Variants in PKD1 observed in about 807,000 individuals in gnomAD.
PKD1 encodes the protein polycystin 1, transient receptor potential channel interacting.
In PKD1, 81 loss-of-function variants were observed where a neutral mutation model predicts 361.7. The observed-to-expected ratio is 0.22, with a 90% CI of 0.19 to 0.27. PKD1 has a LOEUF of 0.27. PKD1 is among the 10% of genes least tolerant of loss of function. PKD1 has a pLI of 1.00. For synonymous variants in PKD1, 3,615 were observed against 2,818.3 expected (o/e 1.28, Z -8.95); for missense variants, 6,399 against 6,118.3 (o/e 1.05, Z -1.53).
At chr16:2,093,470 G>A (rs2091694918) in intron 37 of PKD1, 74 bp downstream of exon 37, 3 of 1,364,354 alleles carry the variant, frequency 2.2e-6, no homozygotes, top group Non-Finnish European at 3.1e-6. Flanking sequence ...GGACAGGAGT[G>A]TCCTGCGTGC....
At chr16:2,094,893 G>A (rs12929950) in intron 34 of PKD1, 8,701 of 152,768 alleles carry the variant, frequency 0.057, 351 homozygotes, top group Non-Finnish European at 0.076. Context: ...CCGTACCTGC[G>A]CCCTCGTCAG....
chr16:2,096,540 A>G (rs970893443), intron 34 of PKD1, among the ~76,000 whole-genome samples: 1 of 151,942 alleles, frequency 6.6e-6, no homozygotes, highest in Admixed American at 6.5e-5. Context: ...TTTGAGACGG[A>G]GTTTCGCTCT....
At chr16:2,099,184 CA>C (rs2091981751) in intron 30 of PKD1, 1 of 340,712 alleles carries the variant, frequency 2.9e-6, no homozygotes, top group Non-Finnish European at 5.7e-6. Context: ...AGGCTGGTCT[CA>C]AACTCCTGGA....
intron 25 of PKD1, 27 bp downstream of exon 25, chr16:2,102,354 G>A: frequency 6.5e-7 from 1 of 1,550,360 alleles, no homozygotes; most frequent in Non-Finnish European, 8.7e-7. Flanking sequence ...ACTCTGCAGA[G>A]GCTCCCAGGA....
chr16:2,101,768 C>T (rs1292406070), intron 26 of PKD1, among the ~76,000 whole-genome samples: 3 of 152,270 alleles, frequency 2.0e-5, no homozygotes, highest in African/African-American at 7.2e-5. Context: ...GGTGGATGCA[C>T]AGTCTCCCAC....
Position 2,114,531 on chromosome 16 carries a change from G to A in PKD1, c.2492C>T (p.Pro831Leu). The A allele has an allele frequency of 1.3e-6, 2 of 1,594,570 alleles. No individual in the cohort carries two copies. The highest frequency in any genetic ancestry group is 1.3e-5 in the African/African-American group (1 of 74,946). The change falls in exon 11 of 46, where the codon CCC becomes CTC. Residue 831 changes from proline to leucine, a missense_variant. Pro to Leu is a moderately conservative substitution (Grantham distance 98). Transcript: ENST00000262304. ...VAGLRVIYPA[P>L]RDGRLYVPTN... ...GGGCACGTAGAGGCGGCCGTCGCGG[G>A]GGGCAGGGTAGATGACCCGCAGCCC...
chr16:2,090,783 C>T lies in PKD1; in HGVS notation c.12029G>A (p.Arg4010His). The T allele has an allele frequency of 1.9e-6, 3 of 1,612,556 alleles. No homozygotes were observed. Among genetic ancestry groups the T allele is most frequent in the Non-Finnish European group, 2.5e-6 (3 of 1,179,956 alleles). Reference protein sequence around the residue: ...VKAAQQLRFVRQWSVFGKTLC... With the variant: ...VKAAQQLRFVHQWSVFGKTLC... ...TGTCTTGCCAAAGACGGACCACTGGCGCACGAAGCGTAGCTGCTGGGCAGC... is the reference window on the plus strand; with the variant it reads ...TGTCTTGCCAAAGACGGACCACTGGTGCACGAAGCGTAGCTGCTGGGCAGC... Residue 4010 changes from arginine (R) to histidine (H), a missense_variant, in exon 44 of 46, where the codon CGC becomes CAC. Physicochemically the swap from Arg to His is conservative, Grantham distance 29. Coordinates refer to ENST00000262304, the MANE Select transcript of PKD1 (RefSeq NM_001009944.3).
At chr16:2,121,925 C>T (rs2092727172) in intron 1 of PKD1, among the ~76,000 whole-genome samples, 1 of 152,236 alleles carries the variant, frequency 6.6e-6, no homozygotes, top group South Asian at 2.1e-4. Flanking sequence ...CAGCCCCAAG[C>T]CGGGGCGGCC....
At position 2,088,969 on chromosome 16, in the gene PKD1, T is replaced by TGACA. The variant is rs1320154059; in HGVS notation, c.*754_*757dup. The TGACA allele has an allele frequency of 3.2e-6, 1 of 317,408 alleles. No homozygotes were observed. Among genetic ancestry groups the TGACA allele is most frequent in the Non-Finnish European group, 6.0e-6 (1 of 165,996 alleles). The allele number at this position is 317,408 out of a possible 1,614,324, so 19.7% of individuals were successfully genotyped here. A position where few individuals can be genotyped will look rare whatever the true frequency, so the allele number is the denominator to read the frequency against. Reference sequence around the variant, plus strand: ...TTCCTCTAACCACCCTGGGGTCCTCTGACATGCCTAGTCCTGCTACTTGCC... The same window carrying TGACA: ...TTCCTCTAACCACCCTGGGGTCCTCTGACAGACATGCCTAGTCCTGCTACTTGCC... On this transcript the variant is annotated 3_prime_UTR_variant, in exon 46 of 46. Transcript: ENST00000262304.
In PKD1 at chr16:2,116,404, T is replaced by C. The variant is rs188229658; in HGVS notation, c.1722+125A>G. The C allele has an allele frequency of 5.3e-3, 3,361 of 637,552 alleles. 20 individuals carry two copies. Among genetic ancestry groups the C allele is most frequent in the Non-Finnish European group, 5.3e-3 (1,895 of 355,354 alleles). The allele number at this position is 637,552 out of a possible 1,614,324, so 39.5% of individuals were successfully genotyped here. A position where few individuals can be genotyped will look rare whatever the true frequency, so the allele number is the denominator to read the frequency against. On this transcript the variant is annotated intron_variant, in intron 8 of 45. Transcript: ENST00000262304. ...TCTGCACTCTGGATTTTCCCAACCATCTTCACTGGGCACAAGCAACATTAA... is the reference window on the plus strand; with the variant it reads ...TCTGCACTCTGGATTTTCCCAACCACCTTCACTGGGCACAAGCAACATTAA...
intron 34 of PKD1, chr16:2,094,738 G>C (rs2091770720): frequency 5.9e-6 from 1 of 168,936 alleles, no homozygotes; most frequent in Non-Finnish European, 1.3e-5. Flanking sequence ...TGACCACCGA[G>C]GCTGTGCCAC....
chr16:2,090,389 G>T lies in PKD1; in HGVS notation c.12340C>A (p.Arg4114Ser). Residue 4114 changes from arginine to serine, a missense_variant, in exon 45 of 46, where the codon CGT (arginine) becomes AGT (serine). Transcript: ENST00000262304. ...VILRWRYHAL[R>S]GELYRPAWEP... is the part of the protein sequence containing the mutation. ...CAGGCCGGCCGGTACAGCTCTCCAC[G>T]CAAGGCGTGGTAGCGCCAGCGGAGA... 1 of 1,612,650 alleles carries T rather than the reference G, an allele frequency of 6.2e-7. No individual in the cohort carries two copies. The highest frequency in any genetic ancestry group is 8.5e-7 in the Non-Finnish European group (1 of 1,179,896).
At chr16:2,134,761 T>G (rs2092930063) in intron 1 of PKD1, among the ~76,000 whole-genome samples, 1 of 148,894 alleles carries the variant, frequency 6.7e-6, no homozygotes, top group Non-Finnish European at 1.5e-5. Context: ...GACCTGGCTC[T>G]GGGCAGCGTC....
intron 14 of PKD1, 22 bp from the exon 15 acceptor site, chr16:2,111,893 G>C: frequency 2.5e-6 from 4 of 1,608,906 alleles, no homozygotes; most frequent in Non-Finnish European, 2.5e-6. Context: ...GGCCCGAGTG[G>C]GGCAGCCGCG....
In PKD1 at chr16:2,090,309, C is replaced by A; in HGVS notation, c.12420G>T (p.Trp4140Cys). ...CCTCCTTGACCTTGCTGAGGCCCAT[C>A]CAGAGGCGCAGCCTGCGCAGGAACA... is the stretch of plus-strand genomic sequence containing the variant. ...VELFLRRLRL[W>C]MGLSKVKEFR... Residue 4140 changes from tryptophan to cysteine, a missense_variant, in exon 45 of 46, where the codon TGG (tryptophan) becomes TGT (cysteine). By Grantham distance (215) the Trp-to-Cys change is radical. Coordinates refer to ENST00000262304, the MANE Select transcript of PKD1 (RefSeq NM_001009944.3). 1 of 1,611,246 alleles carries A rather than the reference C, an allele frequency of 6.2e-7. No homozygotes were observed.
At chr16:2,093,311 A>G (rs1368093522) in intron 37 of PKD1, 13 of 675,004 alleles carry the variant, frequency 1.9e-5, no homozygotes, top group Non-Finnish European at 3.0e-5. Context: ...AGTGGTGCTT[A>G]GGGGCCTTCA....
At position 2,114,470 on chromosome 16, in the gene PKD1, A is replaced by G. The variant is rs2092595750; in HGVS notation, c.2553T>C (p.Ser851=). 4.4e-6 allele frequency: 7 copies of G among 1,597,246 alleles called. No individual in the cohort carries two copies. The highest frequency in any genetic ancestry group is 5.9e-6 in the Non-Finnish European group (7 of 1,179,480). The change falls in exon 11 of 46, where the codon TCT becomes TCC. Residue 851 remains serine (S), a synonymous_variant. Coordinates refer to ENST00000262304, the MANE Select transcript of PKD1 (RefSeq NM_001009944.3). ...NGSALVLQVD[S]GANATATARW... The stretch of plus-strand genomic sequence containing the variant: ...GAGCCGTGGCCGTGGCGTTGGCACC[A>G]GAGTCCACCTGGAGCACCAAGGCTG...
In PKD1 at chr16:2,100,777, G is replaced by A. The variant is rs2092064442; in HGVS notation, c.9398-211C>T. The A allele has an allele frequency of 1.7e-6, 1 of 594,700 alleles. No individual in the cohort carries two copies. Among genetic ancestry groups the A allele is most frequent in the African/African-American group, 1.9e-5 (1 of 53,808 alleles). 36.8% of individuals were successfully genotyped at this position (594,700 alleles called of 1,614,324 possible). ...CTCAAGGACATGATTAAGTTACATG[G>A]AAAGAACTGTAACTTGTGACATGCA... On this transcript the variant is annotated intron_variant, in intron 26 of 45. Coordinates refer to ENST00000262304, the MANE Select transcript of PKD1 (RefSeq NM_001009944.3). This position sits in a 1 kb window ranked among gnomAD's most constrained non-coding sequence, Gnocchi z 4.4.
rs770667157 is a variant in PKD1, at chr16:2,092,083, G to A, written c.11375C>T (p.Ser3792Leu). Residue 3792 changes from serine (S) to leucine (L), a missense_variant, in exon 40 of 46, where the codon TCG becomes TTG. Ser to Leu is a moderately radical substitution (Grantham distance 145). Transcript: ENST00000262304. ...CGGCGCTGAATAGGCCCACGTCCCC[G>A]AGCCATTGTGAGGACTCTCCCAGCC... ...DVGWESPHNG[S>L]GTWAYSAPDL... The A allele has an allele frequency of 3.7e-6, 6 of 1,612,846 alleles. No homozygotes were observed. The highest frequency in any genetic ancestry group is 3.4e-6 in the Non-Finnish European group (4 of 1,179,992).
Sources: allele counts gnomAD v4.1 joint callset (sites outside exome capture counted in the v4.1 genomes callset), GRCh38; gene constraint gnomAD v4.1.1; non-coding constraint Gnocchi (gnomAD v3.1); transcripts MANE v1.5; gene names NCBI Gene and HGNC (gene_info 2026-07-23, HGNC 2026-07-21).